Variants in WIPF2 observed in about 807,000 individuals in gnomAD.
WIPF2 encodes the protein WAS/WASL interacting protein family member 2.
Under a neutral mutation model 38.8 loss-of-function variants are expected in WIPF2, and 23 were observed. That is an observed-to-expected ratio of 0.59 (90% CI 0.43 to 0.84). WIPF2 has a LOEUF of 0.84. WIPF2 is among the 40% of genes least tolerant of loss of function. The pLI is 0.00. For missense variants in WIPF2, 574 were observed against 580.5 expected (o/e 0.99, Z 0.11); for synonymous variants, 210 against 223.2 (o/e 0.94, Z 0.53).
chr17:40,244,086 A>G (rs1163634123), intron 1 of WIPF2, among the ~76,000 whole-genome samples: 5 of 152,154 alleles, frequency 3.3e-5, no homozygotes, highest in African/African-American at 1.2e-4. Flanking sequence ...CTATAGAAAA[A>G]GCCTTTTTTT....
At chr17:40,251,600 A>G (rs1299880745) in intron 1 of WIPF2, among the ~76,000 whole-genome samples, 2 of 152,210 alleles carry the variant, frequency 1.3e-5, no homozygotes, top group Non-Finnish European at 2.9e-5. Flanking sequence ...GCTAAACCAC[A>G]CTAATTTCCA....
chr17:40,222,511 C>T (rs2030282216), intron 1 of WIPF2, among the ~76,000 whole-genome samples: 1 of 150,154 alleles, frequency 6.7e-6, no homozygotes, highest in African/African-American at 2.4e-5. Context: ...TCCACCTCAA[C>T]AACAACAACA....
chr17:40,264,621 C>T lies in WIPF2; in HGVS notation c.445C>T (p.Pro149Ser). The T allele has an allele frequency of 1.5e-5, 25 of 1,614,106 alleles. No homozygotes were observed. Among genetic ancestry groups the T allele is most frequent in the Non-Finnish European group, 2.1e-5 (25 of 1,179,994 alleles). The change falls in exon 5 of 8, where the codon CCC becomes TCC. Residue 149 changes from proline to serine, a missense_variant. Physicochemically the swap from Pro to Ser is moderately conservative, Grantham distance 74. Coordinates refer to ENST00000323571, the MANE Select transcript of WIPF2 (RefSeq NM_133264.5). ...CAGCCGGGCCTCACTCCCAGAACTG[C>T]CCCGGATGCAGAGACCCTCTTTACC... ...DSSRASLPEL[P>S]RMQRPSLPDL... is the part of the protein sequence containing the mutation.
intron 1 of WIPF2, among the ~76,000 whole-genome samples, chr17:40,231,806 A>G (rs1441615390): frequency 6.6e-6 from 1 of 151,962 alleles, no homozygotes; most frequent in Non-Finnish European, 1.5e-5. Context: ...AGATATGGCT[A>G]GCTTAAAATC....
chr17:40,262,711 T>G, intron 4 of WIPF2, 70 bp downstream of exon 4: 1 of 1,301,858 alleles, frequency 7.7e-7, no homozygotes, highest in African/African-American at 1.5e-5. Context: ...GTGGGCCATC[T>G]CAGGTTGAGG....
chr17:40,279,842 TC>T lies in WIPF2; in HGVS notation c.*1619del, dbSNP rs1326747415. 1 of 117,634 alleles carries T rather than the reference TC, an allele frequency of 8.5e-6. No homozygotes were observed. Among genetic ancestry groups the T allele is most frequent in the Non-Finnish European group, 1.6e-5 (1 of 61,246 alleles). 7.3% of individuals were successfully genotyped at this position (117,634 alleles called of 1,614,324 possible). On this transcript the variant is annotated 3_prime_UTR_variant, in exon 8 of 8. Coordinates refer to ENST00000323571, the MANE Select transcript of WIPF2 (RefSeq NM_133264.5). ...TCCAGCCTGGGCGACAGAGCCAGACTCCGTCTCAAAAAAAAAAAAAAAAAAA... is the reference window on the plus strand; with the variant it reads ...TCCAGCCTGGGCGACAGAGCCAGACTCGTCTCAAAAAAAAAAAAAAAAAAA...
Position 40,219,427 on chromosome 17 carries a change from G to T in WIPF2, c.-135G>T, listed in dbSNP as rs1394916354. The T allele has an allele frequency of 8.0e-6, 3 of 376,572 alleles. No homozygotes were observed. Among genetic ancestry groups the T allele is most frequent in the Non-Finnish European group, 1.5e-5 (3 of 199,134 alleles). 23.3% of individuals were successfully genotyped at this position (376,572 alleles called of 1,614,324 possible). On this transcript the variant is annotated 5_prime_UTR_variant, in exon 1 of 8. Transcript: ENST00000323571. ...GGCGAGAAAGAGCTTGCCGGGGGGC[G>T]AGCAGGACAGGACGAAGCCGGAGTG... is the stretch of plus-strand genomic sequence containing the variant.
Position 40,256,392 on chromosome 17 carries a change from T to C in WIPF2, c.-68T>C. 1 of 1,572,146 alleles carries C rather than the reference T, an allele frequency of 6.4e-7. No homozygotes were observed. The highest frequency in any genetic ancestry group is 8.6e-7 in the Non-Finnish European group (1 of 1,167,214). On this transcript the variant is annotated splice_region_variant and 5_prime_UTR_variant, in exon 2 of 8. Transcript: ENST00000323571. ...AATGAGTTTCTTTTTCATTTGCAGG[T>C]ATATGAATGACCTAAAGGTACAAAT...
At chr17:40,237,310 G>A (rs1006359003) in intron 1 of WIPF2, among the ~76,000 whole-genome samples, 6 of 145,520 alleles carry the variant, frequency 4.1e-5, no homozygotes, top group African/African-American at 1.3e-4. Context: ...GTGCTATCTC[G>A]GGTCACCGCA....
rs111811731 is a variant in WIPF2, at chr17:40,245,373, C to T, written c.-69-11018C>T. Among the ~76,000 whole-genome samples, 792 of 151,466 alleles carry T rather than the reference C, an allele frequency of 5.2e-3. 6 individuals carry two copies. Among genetic ancestry groups the T allele is most frequent in the Middle Eastern group, 0.021 (6 of 292 alleles). The stretch of plus-strand genomic sequence containing the variant: ...TTTTTTTTTTTTTGAGATGGAGTCC[C>T]GTTCTGTCGCCCAGGCTGGAGCGCA... On this transcript the variant is annotated intron_variant, in intron 1 of 7. Transcript: ENST00000323571.
intron 1 of WIPF2, among the ~76,000 whole-genome samples, chr17:40,235,686 A>C (rs767417505): frequency 1.2e-4 from 18 of 144,382 alleles, no homozygotes; most frequent in Admixed American, 1.4e-4. Flanking sequence ...CAATTCTCCT[A>C]CCTCAGCCTC....
chr17:40,262,679 G>T (rs1021167402), intron 4 of WIPF2, 38 bp downstream of exon 4: 1 of 1,552,332 alleles, frequency 6.4e-7, no homozygotes, highest in Non-Finnish European at 8.9e-7. Flanking sequence ...TTTCCCTGGT[G>T]TGTTAATTTC....
Position 40,238,765 on chromosome 17 carries a change from C to A in WIPF2, c.-69-17626C>A, listed in dbSNP as rs186566338. Among the ~76,000 whole-genome samples, 477 of 152,036 alleles carry A rather than the reference C, an allele frequency of 3.1e-3. 4 individuals carry two copies. The highest frequency in any genetic ancestry group is 0.011 in the African/African-American group (454 of 41,492). ...AGTAGCTGGGATTATAGGCGCTTGCCATCAGTGTGGCTAATTTTTGTATTT... is the reference window on the plus strand; with the variant it reads ...AGTAGCTGGGATTATAGGCGCTTGCAATCAGTGTGGCTAATTTTTGTATTT... On this transcript the variant is annotated intron_variant, in intron 1 of 7. Coordinates refer to ENST00000323571, the MANE Select transcript of WIPF2 (RefSeq NM_133264.5).
At chr17:40,263,882 T>C (rs2031993077) in intron 4 of WIPF2, among the ~76,000 whole-genome samples, 1 of 151,828 alleles carries the variant, frequency 6.6e-6, no homozygotes, top group African/African-American at 2.4e-5. Context: ...AAAAAAAATA[T>C]GTGAGGTGAT....
At chr17:40,220,141 A>ATT (rs75927307) in intron 1 of WIPF2, among the ~76,000 whole-genome samples, 4 of 144,594 alleles carry the variant, frequency 2.8e-5, no homozygotes, top group Admixed American at 6.9e-5. Flanking sequence ...GGAAGATGGA[A>ATT]TTTTTTTTTT....
At position 40,244,967 on chromosome 17, in the gene WIPF2, TC is replaced by T. The variant is rs1014457504; in HGVS notation, c.-69-11422del. Among the ~76,000 whole-genome samples, 91 of 152,290 alleles carry T rather than the reference TC, an allele frequency of 6.0e-4. 1 individual carries two copies. The highest frequency in any genetic ancestry group is 4.9e-3 in the Admixed American group (75 of 15,294). On this transcript the variant is annotated intron_variant, in intron 1 of 7. Transcript: ENST00000323571. ...TTTTGTTGTTGTCGTGGTTAAATTC[TC>T]CTAGATCCTGAAGCCTGCAACCCTA...
chr17:40,272,716 G>A (rs2032284997), intron 5 of WIPF2, among the ~76,000 whole-genome samples: 1 of 152,178 alleles, frequency 6.6e-6, no homozygotes. Flanking sequence ...GGAGTCACAA[G>A]AGCAAAGCAT....
intron 1 of WIPF2, among the ~76,000 whole-genome samples, chr17:40,222,572 C>T (rs2030285358): frequency 9.3e-6 from 1 of 107,186 alleles, no homozygotes; most frequent in Non-Finnish European, 1.9e-5. Flanking sequence ...TAGCCTTGCT[C>T]ATGTGTGTGT....
In WIPF2 at chr17:40,220,606, TATATATATATATGTATATATATATA is replaced by T. The variant is rs1284280125; in HGVS notation, c.-70+1115_-70+1139del. 9.3e-4 allele frequency: 113 copies of T among 121,636 alleles called. 1 individual carries two copies. The highest frequency in any genetic ancestry group is 6.1e-4 in the Admixed American group (7 of 11,478). The allele number at this position is 121,636 out of a possible 1,614,324, so 7.5% of individuals were successfully genotyped here. A position where few individuals can be genotyped will look rare whatever the true frequency, so the allele number is the denominator to read the frequency against. ...ATATATATATATATATATATATATA[TATATATATATATGTATATATATATA>T]TTTTTTTGTTGTTGTTGTTGGAGAC... On this transcript the variant is annotated intron_variant, in intron 1 of 7. Transcript: ENST00000323571.
Sources: gnomAD v4.1 joint callset for allele counts (sites outside exome capture counted in the v4.1 genomes callset) on GRCh38, gnomAD v4.1.1 for gene constraint, MANE v1.5 for transcripts, NCBI Gene and HGNC (gene_info 2026-07-23, HGNC 2026-07-21) for gene names.